Variants in RBFOX1 observed in about 807,000 individuals in gnomAD.
The protein encoded by RBFOX1 is RNA binding fox-1 homolog 1, also known as RNA binding protein fox-1 homolog 1.
RBFOX1 carries 8 observed loss-of-function variants against 57.7 expected under a neutral mutation model. That is an observed-to-expected ratio of 0.14 (90% CI 0.08 to 0.25). The LOEUF (loss-of-function observed/expected upper bound fraction) is 0.25. Ranked by LOEUF, RBFOX1 falls within the 10% of genes least tolerant of loss-of-function variation. The pLI is 1.00. For missense variants in RBFOX1, 611 were observed against 548.5 expected, an observed-to-expected ratio of 1.11 and a Z score of -1.14; for synonymous variants, 326 against 222.4, an observed-to-expected ratio of 1.47 and a Z score of -4.15.
chr16:7,052,076 A>G lies in RBFOX1; in HGVS notation c.5A>G (p.Asn2Ser). ...TTCTAGGTTTCAAGACAACAGATGAATTGTGAAAGAGAGCAGCTAAGGGTA... is the reference window on the plus strand; with the variant it reads ...TTCTAGGTTTCAAGACAACAGATGAGTTGTGAAAGAGAGCAGCTAAGGGTA... M[N>S]CEREQLRGNQ... Residue 2 changes from asparagine to serine, a missense_variant, in exon 4 of 16, where the codon AAT (asparagine) becomes AGT (serine). Physicochemically the swap from Asn to Ser is conservative, Grantham distance 46. Transcript: ENST00000550418. The G allele has an allele frequency of 1.2e-6, 2 of 1,612,140 alleles. No individual in the cohort carries two copies. Among genetic ancestry groups the G allele is most frequent in the South Asian group, 1.1e-5 (1 of 90,488 alleles).
chr16:5,454,003 C>T (rs946218539), intron 1 of RBFOX1, among the ~76,000 whole-genome samples: 11 of 152,132 alleles, frequency 7.2e-5, no homozygotes, highest in Non-Finnish European at 1.6e-4. Flanking sequence ...TTGGTGTGTT[C>T]CAGGAAGGGT....
intron 3 of RBFOX1, among the ~76,000 whole-genome samples, chr16:6,786,636 A>G (rs996435821): frequency 6.6e-6 from 1 of 152,112 alleles, no homozygotes; most frequent in Non-Finnish European, 1.5e-5. Context: ...AGGAGAATGG[A>G]TGGTGCTCTG....
intron 3 of RBFOX1, among the ~76,000 whole-genome samples, chr16:6,805,038 T>A (rs947193344): frequency 1.3e-5 from 2 of 152,210 alleles, no homozygotes; most frequent in African/African-American, 4.8e-5. Context: ...GTCCCATTAC[T>A]GGGTTTATAT....
chr16:5,597,828 T>G (rs771552435), intron 2 of RBFOX1, among the ~76,000 whole-genome samples: 1 of 152,166 alleles, frequency 6.6e-6, no homozygotes, highest in Non-Finnish European at 1.5e-5. Context: ...CACATCCCAG[T>G]GTTTGCAGTA....
At chr16:6,427,317 A>G (rs2093957965) in intron 2 of RBFOX1, among the ~76,000 whole-genome samples, 1 of 152,202 alleles carries the variant, frequency 6.6e-6, no homozygotes, top group Non-Finnish European at 1.5e-5. Flanking sequence ...TCTTATGTTT[A>G]CATTATTCTC....
chr16:7,176,432 A>ATGTACGAGGTATCTATTATG (rs1034763848), intron 4 of RBFOX1, among the ~76,000 whole-genome samples: 6 of 152,092 alleles, frequency 3.9e-5, no homozygotes, highest in Non-Finnish European at 7.3e-5. Context: ...TATAATAGAT[A>ATGTACGAGGTATCTATTATG]TGTACGAGGT....
chr16:7,526,126 G>A (rs971073660), intron 5 of RBFOX1, among the ~76,000 whole-genome samples: 4 of 152,122 alleles, frequency 2.6e-5, no homozygotes, highest in African/African-American at 7.2e-5. Flanking sequence ...CTGTACATGC[G>A]AGGGATCTAG....
chr16:7,524,384 T>A (rs1211384839), intron 5 of RBFOX1, among the ~76,000 whole-genome samples: 3 of 152,166 alleles, frequency 2.0e-5, no homozygotes, highest in Non-Finnish European at 4.4e-5. Context: ...TTTTTTCTGC[T>A]GAATTTCTAT....
chr16:7,395,975 C>T lies in RBFOX1; in HGVS notation c.28-122172C>T, dbSNP rs571418384. 3.1e-4 allele frequency among the ~76,000 whole-genome samples: 47 copies of T among 152,196 alleles called. 1 individual carries two copies. In the South Asian group the frequency reaches 8.5e-3, roughly 28 times the overall value. On this transcript the variant is annotated intron_variant, in intron 4 of 15. Transcript: ENST00000550418. ...AATTAAGATAATTATGTGTTGGGAG[C>T]ATCTATCGGCAGGGCTTGGCAAGGA... is the stretch of plus-strand genomic sequence containing the variant.
At chr16:6,100,326 C>G (rs1403799310) in intron 1 of RBFOX1, among the ~76,000 whole-genome samples, 1 of 152,118 alleles carries the variant, frequency 6.6e-6, no homozygotes, top group African/African-American at 2.4e-5. Flanking sequence ...TTACGCCTGG[C>G]TAATGTTTTG....
At chr16:6,365,765 A>T (rs1225121030) in intron 2 of RBFOX1, among the ~76,000 whole-genome samples, 1 of 152,206 alleles carries the variant, frequency 6.6e-6, no homozygotes, top group Non-Finnish European at 1.5e-5. Context: ...TTTGCTCAAG[A>T]TGGTTAACCT....
At chr16:6,464,315 C>T (rs1014900513) in intron 2 of RBFOX1, among the ~76,000 whole-genome samples, 2 of 152,072 alleles carry the variant, frequency 1.3e-5, no homozygotes, top group African/African-American at 4.8e-5. Context: ...TGAAGAGCTG[C>T]TTTTACGAAA....
intron 14 of RBFOX1, among the ~76,000 whole-genome samples, chr16:7,690,909 T>C (rs2077172984): frequency 6.6e-6 from 1 of 152,094 alleles, no homozygotes; most frequent in Non-Finnish European, 1.5e-5. Context: ...ATTCTTCTGT[T>C]GTCCTGACAC....
At chr16:5,948,667 GCAA>G (rs1331071801) in intron 4 of RBFOX1, among the ~76,000 whole-genome samples, 2 of 152,176 alleles carry the variant, frequency 1.3e-5, no homozygotes, top group East Asian at 3.9e-4. Context: ...ATTTCCAGCA[GCAA>G]CAAGAAACCG....
intron 3 of RBFOX1, among the ~76,000 whole-genome samples, chr16:6,722,644 A>T (rs964926600): frequency 5.3e-5 from 8 of 152,172 alleles, no homozygotes; most frequent in African/African-American, 1.9e-4. Context: ...AAAATATCCA[A>T]CTGGAAACCA....
intron 2 of RBFOX1, among the ~76,000 whole-genome samples, chr16:6,562,880 C>CTTTCTT (rs746999419): frequency 2.4e-3 from 124 of 51,694 alleles, no homozygotes; most frequent in Non-Finnish European, 3.7e-3. Flanking sequence ...TTCTTTCTTT[C>CTTTCTT]TTTTTTTTTT....
chr16:7,065,010 C>T (rs187929006), intron 4 of RBFOX1, among the ~76,000 whole-genome samples: 64 of 152,182 alleles, frequency 4.2e-4, no homozygotes, highest in African/African-American at 1.4e-3. Context: ...ATCAGATGGA[C>T]GCAGCAATCC....
At chr16:6,651,051 C>A (rs2098588440) in intron 2 of RBFOX1, among the ~76,000 whole-genome samples, 1 of 152,174 alleles carries the variant, frequency 6.6e-6, no homozygotes, top group South Asian at 2.1e-4. Flanking sequence ...TACAGGCGTG[C>A]ACCAACAAGC....
chr16:6,127,299 T>C (rs184005697), intron 1 of RBFOX1, among the ~76,000 whole-genome samples: 1 of 150,680 alleles, frequency 6.6e-6, no homozygotes, highest in Non-Finnish European at 1.5e-5. Context: ...AAAAAAAAAA[T>C]TGTTTTCCAG....
Sources: gnomAD v4.1 joint callset for allele counts (sites outside exome capture counted in the v4.1 genomes callset) on GRCh38, gnomAD v4.1.1 for gene constraint, MANE v1.5 for transcripts, NCBI Gene and HGNC (gene_info 2026-07-23, HGNC 2026-07-21) for gene names.